NOL4: variants seen among roughly 807,000 people sequenced by gnomAD.
NOL4 encodes the protein cancer/testis antigen 125.
In NOL4, 17 loss-of-function variants were observed where a neutral mutation model predicts 75.9. The ratio of observed to expected loss-of-function variants is 0.22; its 90% CI spans 0.15 to 0.34. NOL4 has a LOEUF of 0.34. Among genes scored for constraint, NOL4 ranks in the 10% least tolerant of loss-of-function variants. The pLI is 1.00. For missense variants in NOL4, 614 were observed against 793.5 expected, an observed-to-expected ratio of 0.77 and a Z score of 2.72; for synonymous variants, 292 against 289.9, an observed-to-expected ratio of 1.01 and a Z score of -0.07.
Position 33,946,754 on chromosome 18 carries a change from A to G in NOL4, c.1429-3576T>C, listed in dbSNP as rs758915222. Among the ~76,000 whole-genome samples the G allele has an allele frequency of 3.3e-5, 5 of 151,800 alleles. No individual in the cohort carries two copies. In the South Asian group the frequency reaches 1.0e-3, roughly 31 times the overall value. ...ATAAATTCTATAAATTATGAAATTTATGATCTTCATTAAAAGCACAAAGAC... is the reference window on the plus strand; with the variant it reads ...ATAAATTCTATAAATTATGAAATTTGTGATCTTCATTAAAAGCACAAAGAC... On this transcript the variant is annotated intron_variant, in intron 8 of 10. Coordinates refer to ENST00000261592, the MANE Select transcript of NOL4 (RefSeq NM_003787.5).
intron 1 of NOL4, among the ~76,000 whole-genome samples, chr18:34,197,642 G>T (rs1223278012): frequency 2.0e-5 from 3 of 151,946 alleles, no homozygotes; most frequent in Non-Finnish European, 2.9e-5. Flanking sequence ...AAGGAGACAT[G>T]CTGTAAAAAG....
At chr18:34,150,187 T>C (rs1231839401) in intron 1 of NOL4, among the ~76,000 whole-genome samples, 1 of 151,746 alleles carries the variant, frequency 6.6e-6, no homozygotes, top group Non-Finnish European at 1.5e-5. Context: ...TTAGTTACCC[T>C]TCAAATATAT....
chr18:34,114,177 T>C (rs1398128017), intron 2 of NOL4, among the ~76,000 whole-genome samples: 2 of 152,222 alleles, frequency 1.3e-5, no homozygotes, highest in African/African-American at 2.4e-5. Flanking sequence ...AATATTCTGC[T>C]TCTAGATGGA....
intron 1 of NOL4, among the ~76,000 whole-genome samples, chr18:34,131,647 T>A (rs1310274541): frequency 2.6e-5 from 4 of 152,172 alleles, no homozygotes; most frequent in African/African-American, 9.7e-5. Context: ...TAGTCTGTAT[T>A]TATTGTTTAT....
intron 2 of NOL4, among the ~76,000 whole-genome samples, chr18:34,129,566 A>T (rs1170431357): frequency 6.6e-6 from 1 of 151,460 alleles, no homozygotes; most frequent in Admixed American, 6.6e-5. Flanking sequence ...GACTCATTGA[A>T]TATATAATAT....
At chr18:34,199,509 C>T (rs1195935854) in intron 1 of NOL4, among the ~76,000 whole-genome samples, 2 of 151,838 alleles carry the variant, frequency 1.3e-5, no homozygotes, top group African/African-American at 4.8e-5. Context: ...GGGAAAGAAT[C>T]CCAACTTAAC....
intron 10 of NOL4, among the ~76,000 whole-genome samples, chr18:33,865,203 G>A (rs552014459): frequency 3.9e-5 from 6 of 152,074 alleles, no homozygotes; most frequent in South Asian, 4.2e-4. Context: ...TATCCTTAGG[G>A]ACTTGGGTCC....
intron 1 of NOL4, among the ~76,000 whole-genome samples, chr18:34,165,535 T>C (rs1310600727): frequency 6.6e-6 from 1 of 152,172 alleles, no homozygotes; most frequent in Non-Finnish European, 1.5e-5. Context: ...CATATTGAAG[T>C]GCTGCTTTAT....
rs2065824411 is a variant in NOL4, at chr18:33,902,879, A to C, written c.1543-19455T>G. ...GCAAACTGAAATTTAAAAGGCTTAA[A>C]ATTTCTACATGTATGTAATTTTCTG... On this transcript the variant is annotated intron_variant, in intron 9 of 10. Coordinates refer to ENST00000261592, the MANE Select transcript of NOL4 (RefSeq NM_003787.5). Among the ~76,000 whole-genome samples, 6 of 152,170 alleles carry C rather than the reference A, an allele frequency of 3.9e-5. No homozygotes were observed. The South Asian group carries it at 1.2e-3, about 31-fold the overall frequency.
At chr18:33,953,999 G>A (rs1393302987) in intron 8 of NOL4, among the ~76,000 whole-genome samples, 1 of 152,100 alleles carries the variant, frequency 6.6e-6, no homozygotes, top group East Asian at 1.9e-4. Context: ...TTGTGCAAAG[G>A]TGGTCATGTG....
At chr18:33,892,271 A>T (rs2065137578) in intron 9 of NOL4, among the ~76,000 whole-genome samples, 1 of 151,956 alleles carries the variant, frequency 6.6e-6, no homozygotes, top group Non-Finnish European at 1.5e-5. Flanking sequence ...TCTACAAAAA[A>T]ATTTAAAAAG....
chr18:34,186,537 C>T (rs1312142695), intron 1 of NOL4, among the ~76,000 whole-genome samples: 1 of 152,158 alleles, frequency 6.6e-6, no homozygotes, highest in Non-Finnish European at 1.5e-5. Flanking sequence ...TAAATCTTAG[C>T]TTCCATTACT....
chr18:34,088,373 A>G (rs2078345254), intron 5 of NOL4, among the ~76,000 whole-genome samples: 1 of 152,066 alleles, frequency 6.6e-6, no homozygotes, highest in Non-Finnish European at 1.5e-5. Flanking sequence ...TACATTTTTG[A>G]GCTAATCCAT....
chr18:34,186,041 A>G (rs2034438577), intron 1 of NOL4, among the ~76,000 whole-genome samples: 1 of 152,176 alleles, frequency 6.6e-6, no homozygotes, highest in Non-Finnish European at 1.5e-5. Flanking sequence ...TGTTGTGGTA[A>G]TGATATCTTT....
intron 9 of NOL4, among the ~76,000 whole-genome samples, chr18:33,904,932 C>T (rs537483917): frequency 3.3e-5 from 5 of 152,010 alleles, no homozygotes; most frequent in Admixed American, 6.6e-5. Flanking sequence ...AGCTTGGAGA[C>T]GATAACTGAC....
intron 1 of NOL4, among the ~76,000 whole-genome samples, chr18:34,134,704 C>A (rs1358098518): frequency 1.3e-5 from 2 of 151,874 alleles, no homozygotes; most frequent in Non-Finnish European, 1.5e-5. Context: ...TCATGAGAGA[C>A]CTCATGCTAT....
At chr18:34,093,827 C>T (rs545270179) in intron 4 of NOL4, among the ~76,000 whole-genome samples, 54 of 152,134 alleles carry the variant, frequency 3.5e-4, no homozygotes, top group Non-Finnish European at 6.5e-4. Flanking sequence ...ATCACGAGGT[C>T]AGGAGATCGA....
intron 1 of NOL4, among the ~76,000 whole-genome samples, chr18:34,168,918 C>T (rs146296317): frequency 5.1e-4 from 77 of 151,332 alleles, no homozygotes; most frequent in African/African-American, 1.5e-3. Flanking sequence ...ACAAAGAATG[C>T]GATATTAAAA....
intron 5 of NOL4, among the ~76,000 whole-genome samples, chr18:34,021,736 T>C (rs896961471): frequency 1.2e-4 from 18 of 151,930 alleles, no homozygotes; most frequent in Non-Finnish European, 2.5e-4. Flanking sequence ...GAGGAGACAA[T>C]TAGAAAAATC....
Sources: allele counts gnomAD v4.1 joint callset (sites outside exome capture counted in the v4.1 genomes callset), GRCh38; gene constraint gnomAD v4.1.1; transcripts MANE v1.5; gene names NCBI Gene and HGNC (gene_info 2026-07-23, HGNC 2026-07-21).